Variants in RALA observed in about 807,000 individuals in gnomAD.
RALA encodes ras-related protein Ral-A.
In RALA, 5 loss-of-function variants were observed where a neutral mutation model predicts 24.0. That is an observed-to-expected ratio of 0.21 (90% CI 0.11 to 0.44). The LOEUF (loss-of-function observed/expected upper bound fraction) is 0.44. RALA is among the 20% of genes least tolerant of loss of function. RALA has a pLI of 0.99. For missense variants in RALA, 95 were observed against 241.2 expected (o/e 0.39, Z 4.01); for synonymous variants, 77 against 83.8 (o/e 0.92, Z 0.44).
At chr7:39,636,803 A>G (rs1327825028) in intron 1 of RALA, among the ~76,000 whole-genome samples, 2 of 152,180 alleles carry the variant, frequency 1.3e-5, no homozygotes, top group African/African-American at 2.4e-5. Context: ...CGGAAAGCAA[A>G]GGGGAAGCAA....
chr7:39,651,161 A>G (rs540811931), intron 1 of RALA, among the ~76,000 whole-genome samples: 1 of 152,366 alleles, frequency 6.6e-6, no homozygotes, highest in East Asian at 1.9e-4. Context: ...ACACTTTATT[A>G]TAAAATAGGC....
Position 39,623,658 on chromosome 7 carries a change from C to CCTT in RALA, c.-203_-202insTCT, listed in dbSNP as rs1011154765. The stretch of plus-strand genomic sequence containing the variant: ...TCCTCCTCCTCCTTCTCCTCCTCCT[C>CCTT]CTCCTCCTCCTCCAGCCGCCCAGGC... On this transcript the variant is annotated 5_prime_UTR_variant, in exon 1 of 5. Transcript: ENST00000005257. This position sits in a 1 kb window ranked among gnomAD's most constrained non-coding sequence, Gnocchi z 4.9. 6.8e-6 allele frequency: 1 copy of CCTT among 147,582 alleles called. No individual in the cohort carries two copies. Among genetic ancestry groups the CCTT allele is most frequent in the Non-Finnish European group, 1.4e-5 (1 of 70,634 alleles). 9.1% of individuals were successfully genotyped at this position (147,582 alleles called of 1,614,324 possible). A position where few individuals can be genotyped will look rare whatever the true frequency, so the allele number is the denominator to read the frequency against.
At chr7:39,703,456 C>T (rs867285256) in intron 4 of RALA, among the ~76,000 whole-genome samples, 1 of 152,120 alleles carries the variant, frequency 6.6e-6, no homozygotes, top group Non-Finnish European at 1.5e-5. Context: ...CATGTTGGTC[C>T]TATGTCCGTT....
intron 1 of RALA, among the ~76,000 whole-genome samples, chr7:39,635,746 T>C (rs1791675784): frequency 1.3e-5 from 2 of 152,154 alleles, no homozygotes. Context: ...ACAATAAGGT[T>C]TGTACTCCTA....
intron 1 of RALA, among the ~76,000 whole-genome samples, chr7:39,635,496 G>A (rs1445465502): frequency 1.3e-5 from 2 of 152,106 alleles, no homozygotes; most frequent in African/African-American, 4.8e-5. Flanking sequence ...TTAGTCATCA[G>A]TCCTGATTTC....
At chr7:39,643,876 GAAA>G (rs1466710565) in intron 1 of RALA, among the ~76,000 whole-genome samples, 1 of 151,986 alleles carries the variant, frequency 6.6e-6, no homozygotes, top group Non-Finnish European at 1.5e-5. Context: ...AATAAAGAGA[GAAA>G]GAAAAGAAAA....
intron 1 of RALA, among the ~76,000 whole-genome samples, chr7:39,662,717 C>T (rs957573516): frequency 1.6e-4 from 24 of 152,160 alleles, no homozygotes; most frequent in African/African-American, 5.6e-4. Flanking sequence ...TAGGAAGTTC[C>T]AGACTTTCCC....
At chr7:39,631,345 C>T (rs1791595735) in intron 1 of RALA, among the ~76,000 whole-genome samples, 2 of 151,896 alleles carry the variant, frequency 1.3e-5, no homozygotes, top group African/African-American at 2.4e-5. Context: ...TGAACTTATA[C>T]TAACTTATGA....
chr7:39,698,121 T>A (rs1272633028), intron 4 of RALA, among the ~76,000 whole-genome samples: 1 of 152,194 alleles, frequency 6.6e-6, no homozygotes, highest in Non-Finnish European at 1.5e-5. Context: ...ACCTTCCTGC[T>A]GCATCCTCAC....
At chr7:39,680,016 G>C (rs1466525610) in intron 1 of RALA, among the ~76,000 whole-genome samples, 2 of 152,026 alleles carry the variant, frequency 1.3e-5, no homozygotes, top group East Asian at 3.9e-4. Context: ...TTTTTCAGTA[G>C]TACAATTTTT....
chr7:39,699,531 A>C (rs1792986131), intron 4 of RALA, among the ~76,000 whole-genome samples: 1 of 152,216 alleles, frequency 6.6e-6, no homozygotes, highest in Non-Finnish European at 1.5e-5. Context: ...GAAGCAAAAG[A>C]CTGGAAATAT....
In RALA at chr7:39,696,867, G is replaced by A; in HGVS notation, c.498+8G>A. On this transcript the variant is annotated splice_region_variant and intron_variant, in intron 4 of 4. Transcript: ENST00000005257. ...CGAGCTAATGTTGACAAGGTAACAC[G>A]TGACTCTTTACTACTGCATCATGTT... The A allele has an allele frequency of 2.5e-6, 4 of 1,607,046 alleles. No individual in the cohort carries two copies. Among genetic ancestry groups the A allele is most frequent in the South Asian group, 1.1e-5 (1 of 89,342 alleles).
intron 1 of RALA, among the ~76,000 whole-genome samples, chr7:39,679,085 T>C (rs537904023): frequency 6.6e-6 from 1 of 151,740 alleles, no homozygotes; most frequent in Non-Finnish European, 1.5e-5. Flanking sequence ...TTTTTTTTTT[T>C]CCACTTTAGC....
intron 1 of RALA, among the ~76,000 whole-genome samples, chr7:39,633,291 A>T (rs1791627807): frequency 6.6e-6 from 1 of 152,230 alleles, no homozygotes; most frequent in Non-Finnish European, 1.5e-5. Flanking sequence ...AAGAGGTTTA[A>T]TTAACTCACA....
chr7:39,696,563 T>C lies in RALA; in HGVS notation c.324-122T>C, dbSNP rs940889868. 8.2e-6 allele frequency: 6 copies of C among 731,436 alleles called. No individual in the cohort carries two copies. In the East Asian group the frequency reaches 8.7e-5, roughly 11 times the overall value. The allele number at this position is 731,436 out of a possible 1,614,324, so 45.3% of individuals were successfully genotyped here. On this transcript the variant is annotated intron_variant, in intron 3 of 4. Transcript: ENST00000005257. ...TACTGTATCGATATTGGTTCATTAA[T>C]TGTGATTTGTGTACCACAGTAGTAG...
chr7:39,658,160 T>C (rs1283970646), intron 1 of RALA, among the ~76,000 whole-genome samples: 3 of 152,272 alleles, frequency 2.0e-5, no homozygotes, highest in Middle Eastern at 3.4e-3. Context: ...TTCTCTGGTG[T>C]CTTCTATTAC....
At chr7:39,694,477 C>G (rs78275176) in intron 3 of RALA, among the ~76,000 whole-genome samples, 2,283 of 152,204 alleles carry the variant, frequency 0.015, 43 homozygotes, top group African/African-American at 0.051. Flanking sequence ...AAGTGTGTCT[C>G]TGAGCAAGTT....
chr7:39,666,048 A>T (rs1032558750), intron 1 of RALA, among the ~76,000 whole-genome samples: 1 of 151,808 alleles, frequency 6.6e-6, no homozygotes, highest in African/African-American at 2.4e-5. Flanking sequence ...GAAGATATTT[A>T]TTTTTCCCCA....
At chr7:39,689,872 A>T (rs1463061266) in intron 2 of RALA, among the ~76,000 whole-genome samples, 1 of 152,252 alleles carries the variant, frequency 6.6e-6, no homozygotes, top group East Asian at 1.9e-4. Flanking sequence ...CTATTTAAAA[A>T]ATCAAAAGTT....
Sources: allele counts gnomAD v4.1 joint callset (sites outside exome capture counted in the v4.1 genomes callset), GRCh38; gene constraint gnomAD v4.1.1; non-coding constraint Gnocchi (gnomAD v3.1); transcripts MANE v1.5; gene names NCBI Gene and HGNC (gene_info 2026-07-23, HGNC 2026-07-21).